MAGI1: variants seen among roughly 807,000 people sequenced by gnomAD.
MAGI1 encodes the protein membrane associated guanylate kinase, WW and PDZ domain containing 1.
Under a neutral mutation model 139.9 loss-of-function variants are expected in MAGI1, and 58 were observed. The observed-to-expected ratio is 0.41, with a 90% CI of 0.34 to 0.52. The LOEUF is 0.52. MAGI1 is among the 20% of genes least tolerant of loss of function. The pLI is 0.12. For missense variants in MAGI1, 1,874 were observed against 1,901.6 expected (o/e 0.99, Z 0.27); for synonymous variants, 812 against 737.9 (o/e 1.10, Z -1.63).
At chr3:65,925,238 G>A (rs1004550005) in intron 1 of MAGI1, 49 of 152,308 alleles carry the variant, frequency 3.2e-4, no homozygotes, top group African/African-American at 1.1e-3. Context: ...TTCTTCCACT[G>A]AATTGTCCTT....
intron 1 of MAGI1, among the ~76,000 whole-genome samples, chr3:65,950,067 C>CAAAAAAAAACAAAAAAAAAAAAAA (rs2063733550): frequency 7.8e-5 from 6 of 76,712 alleles, no homozygotes; most frequent in African/African-American, 1.2e-4. Context: ...AACAAAAAAA[C>CAAAAAAAAACAAAAAAAAAAAAAA]AAAAAAAAAA....
intron 2 of MAGI1, among the ~76,000 whole-genome samples, chr3:65,555,598 C>T (rs946264869): frequency 6.6e-6 from 1 of 152,136 alleles, no homozygotes; most frequent in Non-Finnish European, 1.5e-5. Flanking sequence ...GTGGCTCATG[C>T]CTGTAATCTC....
At chr3:65,814,800 T>C (rs529557337) in intron 1 of MAGI1, among the ~76,000 whole-genome samples, 12 of 152,316 alleles carry the variant, frequency 7.9e-5, no homozygotes, top group Admixed American at 2.6e-4. Context: ...TTCAATTCTA[T>C]AGTGATTTGA....
In MAGI1 at chr3:65,580,890, T is replaced by C. The variant is rs1257611325; in HGVS notation, c.430+41082A>G. Reference sequence around the variant, plus strand: ...CCTCTGCTTGCATATCTAATAGATATTTAGATTCAAAATACCCAGAGTTAA... The same window carrying C: ...CCTCTGCTTGCATATCTAATAGATACTTAGATTCAAAATACCCAGAGTTAA... On this transcript the variant is annotated intron_variant, in intron 2 of 22. Transcript: ENST00000402939. Among the ~76,000 whole-genome samples the C allele has an allele frequency of 5.3e-5, 8 of 152,288 alleles. No individual in the cohort carries two copies. In the South Asian group the frequency reaches 1.5e-3, roughly 28 times the overall value.
At chr3:65,828,369 C>A (rs188887083) in intron 1 of MAGI1, among the ~76,000 whole-genome samples, 2 of 152,278 alleles carry the variant, frequency 1.3e-5, no homozygotes, top group Non-Finnish European at 1.5e-5. Flanking sequence ...TTCTCACCCC[C>A]CAAACTCAAA....
intron 1 of MAGI1, among the ~76,000 whole-genome samples, chr3:65,733,507 G>T (rs527736588): frequency 6.6e-6 from 1 of 152,302 alleles, no homozygotes; most frequent in South Asian, 2.1e-4. Context: ...AGACATTTCT[G>T]CTCTAAGATT....
intron 1 of MAGI1, among the ~76,000 whole-genome samples, chr3:65,832,383 C>T (rs2042577119): frequency 6.6e-6 from 1 of 152,100 alleles, no homozygotes; most frequent in South Asian, 2.1e-4. Context: ...TGTAATGAAA[C>T]TGAACACACT....
At chr3:65,588,084 T>C (rs1165676321) in intron 2 of MAGI1, among the ~76,000 whole-genome samples, 1 of 152,112 alleles carries the variant, frequency 6.6e-6, no homozygotes, top group Non-Finnish European at 1.5e-5. Context: ...CTCATCTGCC[T>C]ACCAAAGACT....
intron 1 of MAGI1, among the ~76,000 whole-genome samples, chr3:65,977,672 C>T (rs1329341094): frequency 6.6e-6 from 1 of 152,064 alleles, no homozygotes; most frequent in Non-Finnish European, 1.5e-5. Context: ...GATCACACCA[C>T]TGCACTCCAG....
At chr3:65,531,987 T>C (rs2078735326) in intron 2 of MAGI1, among the ~76,000 whole-genome samples, 1 of 152,024 alleles carries the variant, frequency 6.6e-6, no homozygotes, top group Non-Finnish European at 1.5e-5. Context: ...CCTGACCACT[T>C]CTCACTCTCT....
At chr3:65,803,010 G>A (rs975807870) in intron 1 of MAGI1, among the ~76,000 whole-genome samples, 2 of 151,910 alleles carry the variant, frequency 1.3e-5, no homozygotes, top group Admixed American at 1.3e-4. Context: ...AGAGAGAGAG[G>A]ACATTACCAG....
intron 2 of MAGI1, among the ~76,000 whole-genome samples, chr3:65,496,167 G>C (rs1009001602): frequency 1.3e-5 from 2 of 151,646 alleles, no homozygotes; most frequent in African/African-American, 4.8e-5. Flanking sequence ...TCAGCCTCCT[G>C]AGTAGTTAGG....
At chr3:65,653,170 C>T (rs1480292883) in intron 1 of MAGI1, among the ~76,000 whole-genome samples, 1 of 152,112 alleles carries the variant, frequency 6.6e-6, no homozygotes, top group Non-Finnish European at 1.5e-5. Context: ...CACAAAGTCA[C>T]CTTTGACTCC....
chr3:65,884,906 A>G (rs1284562262), intron 1 of MAGI1, among the ~76,000 whole-genome samples: 1 of 152,194 alleles, frequency 6.6e-6, no homozygotes, highest in African/African-American at 2.4e-5. Flanking sequence ...ACCAAAACCT[A>G]AAGATCTAAA....
chr3:65,364,365 T>C (rs1941197261), intron 20 of MAGI1, among the ~76,000 whole-genome samples: 1 of 152,036 alleles, frequency 6.6e-6, no homozygotes. Flanking sequence ...GGCAGAAGCA[T>C]GTTTATGAAT....
chr3:65,971,929 T>C (rs1576312548), intron 1 of MAGI1, among the ~76,000 whole-genome samples: 1 of 152,176 alleles, frequency 6.6e-6, no homozygotes, highest in South Asian at 2.1e-4. Context: ...AATAATCATG[T>C]CGTACCTCAG....
intron 15 of MAGI1, 122 bp from the exon 16 acceptor site, chr3:65,382,191 A>G (rs1046875591): frequency 2.4e-5 from 18 of 743,160 alleles, no homozygotes; most frequent in Non-Finnish European, 3.7e-5. Flanking sequence ...GCAAACATTT[A>G]TTGAGCACCC....
At chr3:65,981,312 A>G (rs999476322) in intron 1 of MAGI1, among the ~76,000 whole-genome samples, 12 of 152,210 alleles carry the variant, frequency 7.9e-5, no homozygotes, top group African/African-American at 2.4e-4. Context: ...TCTGTTGGAC[A>G]GTACTGCTTT....
At chr3:65,387,463 C>T (rs1241574622) in intron 14 of MAGI1, among the ~76,000 whole-genome samples, 3 of 151,550 alleles carry the variant, frequency 2.0e-5, no homozygotes, top group Non-Finnish European at 4.4e-5. Context: ...TCCTATAACT[C>T]CTATTACTAT....
Sources: allele counts gnomAD v4.1 joint callset (sites outside exome capture counted in the v4.1 genomes callset), GRCh38; gene constraint gnomAD v4.1.1; transcripts MANE v1.5; gene names NCBI Gene and HGNC (gene_info 2026-07-23, HGNC 2026-07-21).